Variants in CFAP44 observed in about 807,000 individuals in gnomAD.
CFAP44 encodes the protein cilia- and flagella-associated protein 44.
In CFAP44, 134 loss-of-function variants were observed where a neutral mutation model predicts 216.2. The ratio of observed to expected loss-of-function variants is 0.62; its 90% confidence interval spans 0.54 to 0.72. The LOEUF (loss-of-function observed/expected upper bound fraction) is 0.72. Among genes scored for constraint, CFAP44 ranks in the 30% least tolerant of loss-of-function variants. CFAP44 has a pLI of 0.00. For synonymous variants in CFAP44, 700 were observed against 727.6 expected, an observed-to-expected ratio of 0.96 and a Z score of 0.61; for missense variants, 2,035 against 2,182.1, an observed-to-expected ratio of 0.93 and a Z score of 1.34.
intron 2 of CFAP44, among the ~76,000 whole-genome samples, chr3:113,430,661 G>A (rs567453488): frequency 6.6e-6 from 1 of 152,176 alleles, no homozygotes; most frequent in East Asian, 1.9e-4. Context: ...ACTTAGTAAA[G>A]AAGAAATAGA....
intron 17 of CFAP44, among the ~76,000 whole-genome samples, chr3:113,374,751 C>T (rs189495699): frequency 1.2e-3 from 177 of 152,244 alleles, no homozygotes; most frequent in African/African-American, 3.9e-3. Flanking sequence ...TCTCCTGCCT[C>T]GGCCTCCCGG....
intron 26 of CFAP44, 118 bp from the exon 27 acceptor site, chr3:113,327,937 A>G (rs1482049735): frequency 2.3e-6 from 2 of 867,504 alleles, no homozygotes; most frequent in Non-Finnish European, 3.5e-6. Context: ...TGGATGGAGA[A>G]TTGTGTGTGT....
At position 113,363,542 on chromosome 3, in the gene CFAP44, G is replaced by C. The variant is rs774667803; in HGVS notation, c.2716-10C>G. 1.2e-6 allele frequency: 2 copies of C among 1,603,680 alleles called. No individual in the cohort carries two copies. Among genetic ancestry groups the C allele is most frequent in the Admixed American group, 1.7e-5 (1 of 59,176 alleles). ...CTGTTTCAATTCCAAACTATAGGAA[G>C]GGAAGTAAAAGGTTAGCCCTTTAAA... is the stretch of plus-strand genomic sequence containing the variant. On this transcript the variant is annotated splice_polypyrimidine_tract_variant and intron_variant, in intron 19 of 34. Coordinates refer to ENST00000393845, the MANE Select transcript of CFAP44 (RefSeq NM_001164496.2).
At chr3:113,392,392 G>A (rs1933867066) in intron 15 of CFAP44, among the ~76,000 whole-genome samples, 1 of 151,498 alleles carries the variant, frequency 6.6e-6, no homozygotes, top group South Asian at 2.1e-4. Flanking sequence ...ATGGTCAACA[G>A]CAGCTTAGAA....
intron 31 of CFAP44, 48 bp from the exon 32 acceptor site, chr3:113,304,165 TTGTATGGCAACAGAAAGCA>T (rs1462159334): frequency 1.3e-6 from 2 of 1,515,344 alleles, no homozygotes; most frequent in Admixed American, 4.1e-5. Context: ...AACACAGATT[TTGTATGGCAACAGAAAGCA>T]TAAGAGGTGC....
chr3:113,319,648 AC>A (rs1156986515), intron 28 of CFAP44, among the ~76,000 whole-genome samples: 1 of 152,012 alleles, frequency 6.6e-6, no homozygotes, highest in Non-Finnish European at 1.5e-5. Flanking sequence ...TCTCATCTGC[AC>A]ACAGAATATA....
At position 113,381,079 on chromosome 3, in the gene CFAP44, A is replaced by G; in HGVS notation, c.1891-19T>C. On this transcript the variant is annotated intron_variant, in intron 15 of 34. Transcript: ENST00000393845. The stretch of plus-strand genomic sequence containing the variant: ...TTTCAGGCTAAAAAAGAAAAATTGA[A>G]CATATTTACATTTAGGCAAATTTTT... 6.5e-7 allele frequency: 1 copy of G among 1,527,308 alleles called. No homozygotes were observed. Among genetic ancestry groups the G allele is most frequent in the South Asian group, 1.3e-5 (1 of 74,250 alleles). 94.6% of individuals were successfully genotyped at this position (1,527,308 alleles called of 1,614,324 possible).
At position 113,403,996 on chromosome 3, in the gene CFAP44, C is replaced by G. The variant is rs749093203; in HGVS notation, c.1026G>C (p.Trp342Cys). 4 of 1,613,644 alleles carry G rather than the reference C, an allele frequency of 2.5e-6. No homozygotes were observed. In the Admixed American group the frequency reaches 5.0e-5, roughly 20 times the overall value. Residue 342 changes from tryptophan to cysteine, a missense_variant, in exon 9 of 35, where the codon TGG becomes TGC. Around this residue, in one of 3 missense-constraint regions of CFAP44, gnomAD observed 1,883 missense variants for 2,023.7 expected, o/e 0.93. Transcript: ENST00000393845. ...PDGKVLSGSE[W>C]GNMLLWEGGL... ...CACCTTCCCAAAGCAGCATGTTGCC[C>G]CATTCTGACCCTGAGAGCACCTGGC...
intron 22 of CFAP44, among the ~76,000 whole-genome samples, chr3:113,355,281 G>A (rs979876396): frequency 7.2e-5 from 11 of 152,168 alleles, no homozygotes; most frequent in African/African-American, 2.7e-4. Context: ...AGCACTTTGG[G>A]AGGCCTAGGC....
chr3:113,381,021 T>C lies in CFAP44; in HGVS notation c.1930A>G (p.Ile644Val), dbSNP rs754924799. The C allele has an allele frequency of 6.9e-6, 11 of 1,594,316 alleles. No homozygotes were observed. In the Admixed American group the frequency reaches 1.9e-4, roughly 28 times the overall value. Residue 644 changes from isoleucine (I) to valine (V), a missense_variant, in exon 16 of 35, where the codon ATT becomes GTT. Coordinates refer to ENST00000393845, the MANE Select transcript of CFAP44 (RefSeq NM_001164496.2). The stretch of plus-strand genomic sequence containing the variant: ...ATGGTTGGAAGTGGAGCTTCAAGAA[T>C]ATAGCCATTTTCACAGATAATTAGT... Reference protein sequence around the residue: ...TLLIICENGYILEAPLPTIKQ... With the variant: ...TLLIICENGYVLEAPLPTIKQ...
intron 21 of CFAP44, chr3:113,360,666 C>T (rs1158660681): frequency 6.4e-6 from 1 of 155,044 alleles, no homozygotes; most frequent in African/African-American, 2.4e-5. Flanking sequence ...TGGGGTCCCA[C>T]TGAGCAGCTG....
In CFAP44 at chr3:113,287,141, C is replaced by T. The variant is rs1949764680; in HGVS notation, c.*4416G>A. 2.2e-6 allele frequency: 1 copy of T among 456,632 alleles called. No homozygotes were observed. Among genetic ancestry groups the T allele is most frequent in the Non-Finnish European group, 4.2e-6 (1 of 237,756 alleles). 28.3% of individuals were successfully genotyped at this position (456,632 alleles called of 1,614,324 possible). A position where few individuals can be genotyped will look rare whatever the true frequency, so the allele number is the denominator to read the frequency against. ...CGCGGGACAGACTCCTAACCTGGGG[C>T]CTCTGCAGTGGCAGGCGAGGCTGCA... On this transcript the variant is annotated 3_prime_UTR_variant, in exon 35 of 35. Transcript: ENST00000393845.
intron 15 of CFAP44, among the ~76,000 whole-genome samples, chr3:113,386,292 AT>A (rs1168940263): frequency 3.3e-5 from 5 of 151,746 alleles, no homozygotes; most frequent in African/African-American, 9.7e-5. Flanking sequence ...GTTGGGTCTT[AT>A]TTTTTTTATT....
Position 113,287,035 on chromosome 3 carries a change from C to G in CFAP44, c.*4522G>C, listed in dbSNP as rs1234433528. 10 of 800,946 alleles carry G rather than the reference C, an allele frequency of 1.2e-5. No homozygotes were observed. Among genetic ancestry groups the G allele is most frequent in the Non-Finnish European group, 2.0e-5 (10 of 494,026 alleles). The allele number at this position is 800,946 out of a possible 1,614,324, so 49.6% of individuals were successfully genotyped here. ...ATAATTCTGGAGAGACATAAGGAGT[C>G]CTACCCGTTGAGGTTGGAGAGGGAA... On this transcript the variant is annotated 3_prime_UTR_variant, in exon 35 of 35. Coordinates refer to ENST00000393845, the MANE Select transcript of CFAP44 (RefSeq NM_001164496.2).
In CFAP44 at chr3:113,328,695, T is replaced by TAAAAAAAAAAAAAAAAA. The variant is rs1950210721; in HGVS notation, c.4117-877_4117-876insTTTTTTTTTTTTTTTTT. On this transcript the variant is annotated intron_variant, in intron 26 of 34. Coordinates refer to ENST00000393845, the MANE Select transcript of CFAP44 (RefSeq NM_001164496.2). ...AAACTACCAGAGAAATTTAGAGAGC[T>TAAAAAAAAAAAAAAAAA]TAAAAAAAAAAAAAAAAAAAAAAAA... Among the ~76,000 whole-genome samples the TAAAAAAAAAAAAAAAAA allele has an allele frequency of 8.4e-4, 61 of 72,338 alleles. 4 individuals carry two copies. The highest frequency in any genetic ancestry group is 1.0e-3 in the Admixed American group (6 of 5,762). 47.5% of individuals were successfully genotyped at this position (72,338 alleles called of 152,430 possible).
At chr3:113,300,023 C>A (rs1949919220) in intron 32 of CFAP44, among the ~76,000 whole-genome samples, 1 of 152,042 alleles carries the variant, frequency 6.6e-6, no homozygotes, top group African/African-American at 2.4e-5. Flanking sequence ...AGAGTGAGAC[C>A]CTGTCTCAAA....
chr3:113,433,503 A>T, intron 2 of CFAP44, 62 bp downstream of exon 2: 1 of 990,622 alleles, frequency 1.0e-6, no homozygotes, highest in Non-Finnish European at 1.5e-6. Context: ...TATAAAAATT[A>T]ATTATTTAAA....
chr3:113,364,587 TATC>T (rs1950570912), intron 19 of CFAP44, among the ~76,000 whole-genome samples: 1 of 152,178 alleles, frequency 6.6e-6, no homozygotes, highest in African/African-American at 2.4e-5. Context: ...GGTTTTCTAA[TATC>T]AGTGTAACTT....
intron 15 of CFAP44, among the ~76,000 whole-genome samples, chr3:113,392,512 A>G (rs1933871079): frequency 6.6e-6 from 1 of 152,220 alleles, no homozygotes; most frequent in African/African-American, 2.4e-5. Context: ...CCGGGAGATT[A>G]TAGTCAATAA....
Sources: gnomAD v4.1 joint callset for allele counts (sites outside exome capture counted in the v4.1 genomes callset) on GRCh38, gnomAD v4.1.1 for gene constraint, gnomAD v4.1.1 regional missense constraint, MANE v1.5 for transcripts, NCBI Gene and HGNC (gene_info 2026-07-23, HGNC 2026-07-21) for gene names.